The following GOLM2 variants were observed in gnomAD, a reference collection of about 807,000 sequenced individuals.
GOLM2 encodes the protein golgi membrane protein 2.
A neutral mutation model predicts 55.9 loss-of-function variants in GOLM2; 26 were observed. That is an observed-to-expected ratio of 0.47 (90% CI 0.34 to 0.65). The LOEUF is 0.65. GOLM2 is among the 30% of genes least tolerant of loss of function. The pLI is 0.01. For synonymous variants in GOLM2, 165 were observed against 194.6 expected (o/e 0.85, Z 1.27); for missense variants, 486 against 531.8 (o/e 0.91, Z 0.85).
chr15:44,310,438 T>TTCTCTCTCTCTCTCTCTCTC (rs778563022), intron 1 of GOLM2, among the ~76,000 whole-genome samples: 24 of 136,574 alleles, frequency 1.8e-4, no homozygotes, highest in Middle Eastern at 3.8e-3. Flanking sequence ...GAGTCTCTCT[T>TTCTCTCTCTCTCTCTCTCTC]TCTCTCTCTC....
At chr15:44,365,750 C>G (rs1188665375) in intron 6 of GOLM2, among the ~76,000 whole-genome samples, 1 of 152,024 alleles carries the variant, frequency 6.6e-6, no homozygotes, top group Non-Finnish European at 1.5e-5. Context: ...TGCTCTGATA[C>G]TATAATGGGG....
chr15:44,310,325 T>A (rs937050581), intron 1 of GOLM2, among the ~76,000 whole-genome samples: 9 of 151,580 alleles, frequency 5.9e-5, no homozygotes, highest in Admixed American at 2.6e-4. Flanking sequence ...GATGAAAGGG[T>A]ACTCACAAGA....
In GOLM2 at chr15:44,403,759, CTTT is replaced by C. The variant is rs1158042776; in HGVS notation, c.1240+708_1240+710del. ...TCAGGTACAAATATTGCCCAGGTAGCTTTTTCGTTATAAGGAAAGCCACAAAGG... is the reference window on the plus strand; with the variant it reads ...TCAGGTACAAATATTGCCCAGGTAGCTTCGTTATAAGGAAAGCCACAAAGG... On this transcript the variant is annotated intron_variant, in intron 9 of 9. Transcript: ENST00000299957. Among the ~76,000 whole-genome samples, 3 of 152,232 alleles carry C rather than the reference CTTT, an allele frequency of 2.0e-5. No individual in the cohort carries two copies. The South Asian group carries it at 6.2e-4, about 32-fold the overall frequency.
chr15:44,305,611 T>C lies in GOLM2; in HGVS notation c.327+16255T>C, dbSNP rs900399567. Among the ~76,000 whole-genome samples the C allele has an allele frequency of 1.1e-4, 17 of 152,330 alleles. No individual in the cohort carries two copies. In the East Asian group the frequency reaches 3.1e-3, roughly 28 times the overall value. On this transcript the variant is annotated intron_variant, in intron 1 of 9. Coordinates refer to ENST00000299957, the MANE Select transcript of GOLM2 (RefSeq NM_138423.4). ...CTGCACCCAGCCTCTACAAATGTTC[T>C]TAATGGCATCTAGATTGGTGAATTC...
rs532619552 is a variant in GOLM2, at chr15:44,289,880, A to G, written c.327+524A>G. On this transcript the variant is annotated intron_variant, in intron 1 of 9. Coordinates refer to ENST00000299957, the MANE Select transcript of GOLM2 (RefSeq NM_138423.4). This position sits in a 1 kb window ranked among gnomAD's most constrained non-coding sequence, Gnocchi z 4.8. ...GTATTGAATAACTAAATAATCAGCT[A>G]TGACTGCCTTTTTGTGATCAAAATG... Among the ~76,000 whole-genome samples, 4 of 152,352 alleles carry G rather than the reference A, an allele frequency of 2.6e-5. No individual in the cohort carries two copies. The South Asian group carries it at 8.3e-4, about 32-fold the overall frequency.
At chr15:44,340,782 C>A (rs1177017568) in intron 6 of GOLM2, among the ~76,000 whole-genome samples, 2 of 152,134 alleles carry the variant, frequency 1.3e-5, no homozygotes, top group Non-Finnish European at 1.5e-5. Context: ...ATGTTCAGAG[C>A]AGGAACTCTG....
chr15:44,391,548 A>C (rs1269901292), intron 8 of GOLM2, among the ~76,000 whole-genome samples: 1 of 151,870 alleles, frequency 6.6e-6, no homozygotes, highest in African/African-American at 2.4e-5. Context: ...AAAGATCGTC[A>C]GCACACATTA....
chr15:44,341,691 A>ATTTTTTTTTTTTTTTTTTTTTTTTTTT (rs752182459), intron 6 of GOLM2, among the ~76,000 whole-genome samples: 1 of 120,872 alleles, frequency 8.3e-6, no homozygotes, highest in African/African-American at 3.2e-5. Flanking sequence ...ATTTTATTAG[A>ATTTTTTTTTTTTTTTTTTTTTTTTTTT]TTTTTTTTTT....
At chr15:44,300,126 AAGAAG>A (rs1184116068) in intron 1 of GOLM2, among the ~76,000 whole-genome samples, 1 of 148,972 alleles carries the variant, frequency 6.7e-6, no homozygotes, top group South Asian at 2.2e-4. Context: ...GAAAAAAGAA[AAGAAG>A]AGAGGAGAGG....
At chr15:44,303,463 T>A (rs973937675) in intron 1 of GOLM2, among the ~76,000 whole-genome samples, 4 of 152,166 alleles carry the variant, frequency 2.6e-5, no homozygotes, top group African/African-American at 4.8e-5. Context: ...TCAAAAATAT[T>A]TTTCTGATTC....
intron 2 of GOLM2, among the ~76,000 whole-genome samples, chr15:44,327,537 A>G (rs1194849796): frequency 6.6e-6 from 1 of 152,158 alleles, no homozygotes; most frequent in East Asian, 1.9e-4. Context: ...TTGGTACATT[A>G]TGGCTAGATG....
chr15:44,351,589 A>C (rs1028508983), intron 6 of GOLM2, among the ~76,000 whole-genome samples: 7 of 150,002 alleles, frequency 4.7e-5, no homozygotes, highest in African/African-American at 1.7e-4. Context: ...AAAAAAAAAA[A>C]AAAAAAAAAC....
At chr15:44,387,727 C>T (rs968022983) in intron 8 of GOLM2, among the ~76,000 whole-genome samples, 2 of 150,904 alleles carry the variant, frequency 1.3e-5, no homozygotes, top group African/African-American at 2.4e-5. Flanking sequence ...CGATACTGTA[C>T]TCCAGCCTGG....
At chr15:44,319,850 A>G (rs1461603076) in intron 1 of GOLM2, among the ~76,000 whole-genome samples, 2 of 152,188 alleles carry the variant, frequency 1.3e-5, no homozygotes, top group Non-Finnish European at 1.5e-5. Flanking sequence ...CAGCCTCCCA[A>G]AGTGTTGGGA....
chr15:44,400,471 C>G (rs1346858561), intron 8 of GOLM2, among the ~76,000 whole-genome samples: 2 of 151,442 alleles, frequency 1.3e-5, no homozygotes, highest in African/African-American at 4.9e-5. Flanking sequence ...GCATGCGCCA[C>G]CATGCCTGCC....
intron 6 of GOLM2, among the ~76,000 whole-genome samples, chr15:44,366,610 G>A (rs2079287268): frequency 6.6e-6 from 1 of 152,098 alleles, no homozygotes; most frequent in Non-Finnish European, 1.5e-5. Flanking sequence ...CTCCAACTTG[G>A]TCAACAGAAC....
chr15:44,346,898 G>A lies in GOLM2; in HGVS notation c.802+8581G>A, dbSNP rs553955036. 4.6e-5 allele frequency among the ~76,000 whole-genome samples: 7 copies of A among 152,290 alleles called. No homozygotes were observed. The East Asian group carries it at 1.3e-3, about 29-fold the overall frequency. ...TAATCCCAACACTTTGGGAAGCCTA[G>A]GCAAGAGGATTGCTTGAGGCCAGGA... is the stretch of plus-strand genomic sequence containing the variant. On this transcript the variant is annotated intron_variant, in intron 6 of 9. Transcript: ENST00000299957.
chr15:44,373,563 A>T (rs577195497), intron 6 of GOLM2, among the ~76,000 whole-genome samples: 5 of 145,176 alleles, frequency 3.4e-5, no homozygotes, highest in African/African-American at 1.3e-4. Flanking sequence ...AGACCAGCCT[A>T]GCCAACATGG....
At chr15:44,385,669 C>G (rs553382369) in intron 8 of GOLM2, among the ~76,000 whole-genome samples, 7 of 152,226 alleles carry the variant, frequency 4.6e-5, no homozygotes, top group Non-Finnish European at 1.0e-4. Flanking sequence ...GCCTCAGCCT[C>G]AGTAGTAGCT....
Sources: allele counts gnomAD v4.1 joint callset (sites outside exome capture counted in the v4.1 genomes callset), GRCh38; gene constraint gnomAD v4.1.1; non-coding constraint Gnocchi (gnomAD v3.1); transcripts MANE v1.5; gene names NCBI Gene and HGNC (gene_info 2026-07-23, HGNC 2026-07-21).